Variants in ANO2 observed in about 807,000 individuals in gnomAD.
ANO2 encodes the protein anoctamin-2.
Under a neutral mutation model 124.2 loss-of-function variants are expected in ANO2, and 101 were observed. That is an observed-to-expected ratio of 0.81 (90% CI 0.69 to 0.96). The LOEUF is 0.96. ANO2 is among the 40% of genes least tolerant of loss of function. ANO2 has a pLI of 0.00. For missense variants in ANO2, 1,293 were observed against 1,274.5 expected (o/e 1.01, Z -0.22); for synonymous variants, 486 against 482.5 (o/e 1.01, Z -0.09).
Position 5,907,369 on chromosome 12 carries a change from A to C in ANO2, c.534+13671T>G, listed in dbSNP as rs145633091. 7.9e-3 allele frequency among the ~76,000 whole-genome samples: 1,198 copies of C among 152,362 alleles called. 14 individuals are homozygous for C. Among genetic ancestry groups the C allele is most frequent in the Non-Finnish European group, 0.013 (862 of 68,036 alleles). ...GTAAATGGCTACGCCTAAAATTAGG[A>C]ATCTAGTAAGTAGTGGTATTCAAAC... On this transcript the variant is annotated intron_variant, in intron 3 of 24. Coordinates refer to ENST00000682330, the MANE Select transcript of ANO2 (RefSeq NM_001364791.2).
At chr12:5,657,173 G>A (rs1947200646) in intron 14 of ANO2, among the ~76,000 whole-genome samples, 1 of 152,232 alleles carries the variant, frequency 6.6e-6, no homozygotes. Context: ...AAGGACTCAC[G>A]GCAGAGTGGG....
chr12:5,647,697 C>A (rs1455858750), intron 15 of ANO2, 30 bp downstream of exon 15: 2 of 1,541,448 alleles, frequency 1.3e-6, no homozygotes, highest in African/African-American at 2.7e-5. Flanking sequence ...TGCATGCAGT[C>A]ACAGGCAAGT....
intron 13 of ANO2, among the ~76,000 whole-genome samples, chr12:5,736,001 G>A (rs915829963): frequency 4.6e-5 from 7 of 152,368 alleles, no homozygotes; most frequent in African/African-American, 7.2e-5. Context: ...GTGACAGAAG[G>A]TAATGGGCAA....
At chr12:5,744,339 G>T in intron 11 of ANO2, 22 bp from the exon 12 acceptor site, 3 of 1,613,428 alleles carry the variant, frequency 1.9e-6, no homozygotes, top group Non-Finnish European at 2.5e-6. Context: ...GGAGGTTGTT[G>T]GGTCAGGTGG....
At chr12:5,638,237 C>CTTTCTTTT (rs1946127442) in intron 15 of ANO2, among the ~76,000 whole-genome samples, 1 of 124,850 alleles carries the variant, frequency 8.0e-6, no homozygotes, top group Non-Finnish European at 1.7e-5. Flanking sequence ...GTTTCTTTTC[C>CTTTCTTTT]TTTTTTTTTT....
rs544841210 is a variant in ANO2, at chr12:5,856,205, T to C, written c.535-2064A>G. 7.9e-5 allele frequency: 12 copies of C among 152,364 alleles called. No homozygotes were observed. In the East Asian group the frequency reaches 2.3e-3, roughly 29 times the overall value. The allele number at this position is 152,364 out of a possible 1,614,324, so 9.4% of individuals were successfully genotyped here. ...TTTTGGTGAAAGATGGCAAACAGCA[T>C]CATCCCTCTCGCTAAGAGGAGATCA... On this transcript the variant is annotated intron_variant, in intron 3 of 24. Coordinates refer to ENST00000682330, the MANE Select transcript of ANO2 (RefSeq NM_001364791.2).
chr12:5,788,621 C>T (rs1217497057), intron 10 of ANO2, among the ~76,000 whole-genome samples: 3 of 152,132 alleles, frequency 2.0e-5, no homozygotes, highest in South Asian at 2.1e-4. Context: ...TGCAGTGGTG[C>T]GATCTCGGCT....
chr12:5,759,515 A>G (rs1951678373), intron 10 of ANO2, among the ~76,000 whole-genome samples: 1 of 151,764 alleles, frequency 6.6e-6, no homozygotes, highest in Middle Eastern at 3.4e-3. Flanking sequence ...AGAGTGAACC[A>G]TCATTACTGC....
chr12:5,843,227 C>T (rs1377293079), intron 4 of ANO2, among the ~76,000 whole-genome samples: 2 of 152,164 alleles, frequency 1.3e-5, no homozygotes, highest in African/African-American at 2.4e-5. Context: ...CTCCTTCCCA[C>T]GACCGAGGAT....
At chr12:5,849,452 C>T (rs1021095440) in intron 4 of ANO2, among the ~76,000 whole-genome samples, 4 of 152,206 alleles carry the variant, frequency 2.6e-5, no homozygotes, top group East Asian at 1.9e-4. Context: ...AATGAGCAGA[C>T]GTAAGAAAGC....
chr12:5,613,967 G>A (rs1389175694), intron 17 of ANO2, among the ~76,000 whole-genome samples: 1 of 152,202 alleles, frequency 6.6e-6, no homozygotes, highest in African/African-American at 2.4e-5. Context: ...GCCAAGGGGA[G>A]AGGTCCTGAG....
chr12:5,635,063 T>C lies in ANO2; in HGVS notation c.1816+89A>G, dbSNP rs1945933179. 4.2e-6 allele frequency: 5 copies of C among 1,183,348 alleles called. No homozygotes were observed. The South Asian group carries it at 5.4e-5, about 13-fold the overall frequency. The allele number at this position is 1,183,348 out of a possible 1,614,324, so 73.3% of individuals were successfully genotyped here. A position where few individuals can be genotyped will look rare whatever the true frequency, so the allele number is the denominator to read the frequency against. On this transcript the variant is annotated intron_variant, in intron 16 of 24. Coordinates refer to ENST00000682330, the MANE Select transcript of ANO2 (RefSeq NM_001364791.2). The surrounding 1 kb of genome is among the most constrained non-coding windows in gnomAD (Gnocchi z 5.2). Reference sequence around the variant, plus strand: ...CACTGTACAAAGCATCCTGTCCCTGTCCCATTTTTTTTATTTTATCACCAA... The same window carrying C: ...CACTGTACAAAGCATCCTGTCCCTGCCCCATTTTTTTTATTTTATCACCAA...
chr12:5,887,980 TAC>T (rs1456448615), intron 3 of ANO2, among the ~76,000 whole-genome samples: 11 of 152,192 alleles, frequency 7.2e-5, no homozygotes, highest in African/African-American at 2.2e-4. Context: ...GGGACAGACA[TAC>T]AGAGGTTGAT....
intron 14 of ANO2, among the ~76,000 whole-genome samples, chr12:5,660,197 T>C (rs1261674334): frequency 1.3e-5 from 2 of 152,122 alleles, no homozygotes; most frequent in African/African-American, 2.4e-5. Context: ...ATAACCCCAC[T>C]GTAAGTCAAG....
In ANO2 at chr12:5,615,215, G is replaced by A; in HGVS notation, c.1899C>T (p.Pro633=). Residue 633 remains proline, a synonymous_variant, in exon 17 of 25, where the codon CCC becomes CCT. Coordinates refer to ENST00000682330, the MANE Select transcript of ANO2 (RefSeq NM_001364791.2). ...FLLKFVNAYS[P]IFYVAFFKGR... ...CTTTGAAAAAGGCCACATAGAAGAT[G>A]GGGGAGTAGGCATTGACAAACTTGA... 1 of 1,613,630 alleles carries A rather than the reference G, an allele frequency of 6.2e-7. No homozygotes were observed. Among genetic ancestry groups the A allele is most frequent in the Admixed American group, 1.7e-5 (1 of 60,002 alleles).
At chr12:5,943,409 T>C (rs188472330) in intron 1 of ANO2, among the ~76,000 whole-genome samples, 40 of 152,162 alleles carry the variant, frequency 2.6e-4, no homozygotes, top group African/African-American at 8.9e-4. Context: ...AACTCAGGAA[T>C]GGGTAACTAA....
intron 3 of ANO2, among the ~76,000 whole-genome samples, chr12:5,898,020 A>G (rs943003863): frequency 7.9e-5 from 12 of 152,224 alleles, no homozygotes; most frequent in Non-Finnish European, 1.6e-4. Flanking sequence ...AGTATAGATG[A>G]AGAATCCCTT....
chr12:5,610,723 C>CATATATACATATATACATATATATATAT lies in ANO2; in HGVS notation c.2087+1932_2087+1933insATATATATATATGTATATATGTATATAT, dbSNP rs1555100504. On this transcript the variant is annotated intron_variant, in intron 19 of 24. Coordinates refer to ENST00000682330, the MANE Select transcript of ANO2 (RefSeq NM_001364791.2). Reference sequence around the variant, plus strand: ...ATACATGTATGTGTACACATATATACATATATATATATATATATATGAAAA... The same window carrying CATATATACATATATACATATATATATAT: ...ATACATGTATGTGTACACATATATACATATATACATATATACATATATATATATATATATATATATATATATATGAAAA... Among the ~76,000 whole-genome samples the CATATATACATATATACATATATATATAT allele has an allele frequency of 1.1e-3, 131 of 116,898 alleles. 1 individual carries two copies. The highest frequency in any genetic ancestry group is 1.9e-3 in the Non-Finnish European group (109 of 57,954). The allele number at this position is 116,898 out of a possible 152,430, so 76.7% of individuals were successfully genotyped here.
At chr12:5,885,450 CA>C (rs1267992814) in intron 3 of ANO2, among the ~76,000 whole-genome samples, 3 of 152,340 alleles carry the variant, frequency 2.0e-5, no homozygotes, top group Non-Finnish European at 4.4e-5. Context: ...AATAATAACT[CA>C]CTTTAAATGC....
Sources: allele counts gnomAD v4.1 joint callset (sites outside exome capture counted in the v4.1 genomes callset), GRCh38; gene constraint gnomAD v4.1.1; non-coding constraint Gnocchi (gnomAD v3.1); transcripts MANE v1.5; gene names NCBI Gene and HGNC (gene_info 2026-07-23, HGNC 2026-07-21).